Variants in TNKS observed in about 807,000 individuals in gnomAD.
TNKS encodes the protein poly [ADP-ribose] polymerase tankyrase-1.
In TNKS, 72 loss-of-function variants were observed where a neutral mutation model predicts 135.8. That is an observed-to-expected ratio of 0.53 (90% CI 0.44 to 0.64). The LOEUF (loss-of-function observed/expected upper bound fraction) is 0.64. Ranked by LOEUF, TNKS falls within the 30% of genes least tolerant of loss-of-function variation. TNKS has a pLI of 0.00. For missense variants in TNKS, 1,769 were observed against 1,674.0 expected (o/e 1.06, Z -0.99); for synonymous variants, 849 against 649.3 (o/e 1.31, Z -4.68).
intron 17 of TNKS, among the ~76,000 whole-genome samples, chr8:9,747,226 C>G (rs914226311): frequency 1.3e-5 from 2 of 152,032 alleles, no homozygotes; most frequent in African/African-American, 4.8e-5. Context: ...ATAGTTCTAC[C>G]TTATTTTCTA....
At chr8:9,635,768 A>G (rs897137588) in intron 3 of TNKS, among the ~76,000 whole-genome samples, 2 of 152,196 alleles carry the variant, frequency 1.3e-5, no homozygotes, top group Non-Finnish European at 2.9e-5. Context: ...ACAAATTCCA[A>G]TTTAGGTTCA....
Position 9,751,734 on chromosome 8 carries a change from C to T in TNKS, c.2958C>T (p.Leu986=). The change falls in exon 19 of 27, where the codon CTC becomes CTT. Residue 986 remains leucine (L), a synonymous_variant. Coordinates refer to ENST00000310430, the MANE Select transcript of TNKS (RefSeq NM_003747.3). ...LISPASTPSC[L]SAASSIDNLT... ...CACCAGCATCCACCCCCTCCTGCCT[C>T]TCGGCTGCCAGCAGCATAGACAACC... is the stretch of plus-strand genomic sequence containing the variant. 1 of 1,614,204 alleles carries T rather than the reference C, an allele frequency of 6.2e-7. No individual in the cohort carries two copies. The highest frequency in any genetic ancestry group is 2.2e-5 in the East Asian group (1 of 44,882).
At chr8:9,677,427 G>C (rs183563961) in intron 3 of TNKS, among the ~76,000 whole-genome samples, 1 of 152,282 alleles carries the variant, frequency 6.6e-6, no homozygotes, top group East Asian at 1.9e-4. Flanking sequence ...TTTGAACTTT[G>C]AGGTTCCTAA....
chr8:9,575,118 G>T (rs1449657385), intron 1 of TNKS: 2 of 965,384 alleles, frequency 2.1e-6, no homozygotes, highest in African/African-American at 1.8e-5. Context: ...ACGGAGTCTC[G>T]CTCTGTTGCC....
intron 3 of TNKS, among the ~76,000 whole-genome samples, chr8:9,666,159 G>A (rs1801977259): frequency 6.6e-6 from 1 of 152,176 alleles, no homozygotes; most frequent in African/African-American, 2.4e-5. Flanking sequence ...TTTTAGATGT[G>A]CACTGTCCAG....
At chr8:9,572,752 C>A (rs1042264259) in intron 1 of TNKS, among the ~76,000 whole-genome samples, 5 of 152,110 alleles carry the variant, frequency 3.3e-5, no homozygotes, top group Non-Finnish European at 1.5e-5. Flanking sequence ...AGGTGTCATT[C>A]GATTTTTAAT....
chr8:9,585,113 A>C (rs973613820), intron 2 of TNKS, among the ~76,000 whole-genome samples: 13 of 152,150 alleles, frequency 8.5e-5, no homozygotes, highest in African/African-American at 3.1e-4. Context: ...GTGGGGAAGA[A>C]ATTTCCTGGG....
At chr8:9,699,350 G>A (rs1247626716) in intron 5 of TNKS, among the ~76,000 whole-genome samples, 1 of 152,052 alleles carries the variant, frequency 6.6e-6, no homozygotes, top group Admixed American at 6.5e-5. Flanking sequence ...TGATTTTTTT[G>A]CTTTGGATCA....
At chr8:9,588,665 G>T (rs1798480623) in intron 2 of TNKS, among the ~76,000 whole-genome samples, 1 of 152,276 alleles carries the variant, frequency 6.6e-6, no homozygotes, top group East Asian at 1.9e-4. Context: ...GAAGACTAGG[G>T]CCCCAATATT....
Position 9,611,154 on chromosome 8 carries a change from G to A in TNKS, c.899-4428G>A, listed in dbSNP as rs555429543. Among the ~76,000 whole-genome samples, 38 of 152,100 alleles carry A rather than the reference G, an allele frequency of 2.5e-4. No homozygotes were observed. In the East Asian group the frequency reaches 2.5e-3, roughly 10 times the overall value. On this transcript the variant is annotated intron_variant, in intron 2 of 26. Coordinates refer to ENST00000310430, the MANE Select transcript of TNKS (RefSeq NM_003747.3). The stretch of plus-strand genomic sequence containing the variant: ...TTATGCCAGCTGCTACATTTTCTCC[G>A]CCCGTCTTACCTCGAAAGGAGATGA...
chr8:9,568,365 G>C (rs747739842), intron 1 of TNKS, among the ~76,000 whole-genome samples: 1 of 152,110 alleles, frequency 6.6e-6, no homozygotes, highest in Non-Finnish European at 1.5e-5. Flanking sequence ...AAAGCTTATA[G>C]TAAAAATGCA....
intron 3 of TNKS, among the ~76,000 whole-genome samples, chr8:9,648,517 A>C (rs1801005577): frequency 6.6e-6 from 1 of 152,196 alleles, no homozygotes; most frequent in Admixed American, 6.5e-5. Context: ...GTCCCACTGA[A>C]AGGTCTTCGT....
chr8:9,729,925 C>A (rs558625596), intron 13 of TNKS, among the ~76,000 whole-genome samples: 1 of 151,726 alleles, frequency 6.6e-6, no homozygotes, highest in South Asian at 2.1e-4. Context: ...TACAGGCACG[C>A]GCCACCATGC....
chr8:9,596,593 A>C (rs983029088), intron 2 of TNKS, among the ~76,000 whole-genome samples: 3 of 152,076 alleles, frequency 2.0e-5, no homozygotes, highest in African/African-American at 7.2e-5. Context: ...TTCATATTCT[A>C]CTCCCTGATA....
chr8:9,689,188 C>A (rs1803148425), intron 5 of TNKS, among the ~76,000 whole-genome samples: 1 of 152,178 alleles, frequency 6.6e-6, no homozygotes, highest in Admixed American at 6.5e-5. Flanking sequence ...AAGCTTGCTT[C>A]TCTGTCTCAC....
intron 2 of TNKS, 89 bp downstream of exon 2, chr8:9,580,472 A>T (rs188904324): frequency 8.4e-7 from 1 of 1,184,196 alleles, no homozygotes; most frequent in African/African-American, 1.5e-5. Flanking sequence ...GAGAATAGGT[A>T]AGGAAGGGTT....
intron 5 of TNKS, among the ~76,000 whole-genome samples, chr8:9,698,824 G>T (rs1273310549): frequency 6.6e-6 from 1 of 152,198 alleles, no homozygotes; most frequent in African/African-American, 2.4e-5. Flanking sequence ...GGCAAAGATA[G>T]ACAAATGCAA....
chr8:9,642,095 G>C (rs13260943), intron 3 of TNKS, among the ~76,000 whole-genome samples: 141,657 of 145,156 alleles, frequency 0.98, 69,595 homozygotes, highest in South Asian at 1. Flanking sequence ...AAACTTTAGC[G>C]TCTAAAGAAT....
At position 9,612,416 on chromosome 8, in the gene TNKS, A is replaced by G. The variant is rs947043850; in HGVS notation, c.899-3166A>G. On this transcript the variant is annotated intron_variant, in intron 2 of 26. Transcript: ENST00000310430. ...TAGACCTGGGAATGGAACTTTGTATAATATGCTTTGTATAGCACAGACCAC... is the reference window on the plus strand; with the variant it reads ...TAGACCTGGGAATGGAACTTTGTATGATATGCTTTGTATAGCACAGACCAC... Among the ~76,000 whole-genome samples, 4 of 152,122 alleles carry G rather than the reference A, an allele frequency of 2.6e-5. No individual in the cohort carries two copies. In the South Asian group the frequency reaches 8.3e-4, roughly 32 times the overall value.
Sources: gnomAD v4.1 joint callset for allele counts (sites outside exome capture counted in the v4.1 genomes callset) on GRCh38, gnomAD v4.1.1 for gene constraint, MANE v1.5 for transcripts, NCBI Gene and HGNC (gene_info 2026-07-23, HGNC 2026-07-21) for gene names.